The following SMARCA2 variants were observed in gnomAD, a reference collection of about 807,000 sequenced individuals.
The protein encoded by SMARCA2 is SWI/SNF related BAF chromatin remodeling complex subunit ATPase 2.
In SMARCA2, 61 loss-of-function variants were observed where a neutral mutation model predicts 199.8. The observed-to-expected ratio is 0.31, with a 90% CI of 0.25 to 0.38. The LOEUF is 0.38. SMARCA2 is among the 10% of genes least tolerant of loss of function. The pLI is 1.00. For synonymous variants in SMARCA2, 935 were observed against 732.0 expected, an observed-to-expected ratio of 1.28 and a Z score of -4.48; for missense variants, 1,344 against 2,012.2, an observed-to-expected ratio of 0.67 and a Z score of 6.35.
At chr9:2,030,272 C>G (rs939309475) in intron 2 of SMARCA2, among the ~76,000 whole-genome samples, 1 of 152,182 alleles carries the variant, frequency 6.6e-6, no homozygotes, top group Non-Finnish European at 1.5e-5. Flanking sequence ...TATCTGCAGT[C>G]ACCAATCTGG....
intron 31 of SMARCA2, 147 bp from the exon 32 acceptor site, chr9:2,185,949 C>G: frequency 2.7e-6 from 2 of 738,106 alleles, no homozygotes; most frequent in Non-Finnish European, 4.5e-6. Context: ...TGGCGTTTTG[C>G]TACTGGGTTT....
At chr9:2,024,693 G>A (rs1329455776) in intron 1 of SMARCA2, among the ~76,000 whole-genome samples, 1 of 152,012 alleles carries the variant, frequency 6.6e-6, no homozygotes, top group African/African-American at 2.4e-5. Flanking sequence ...CTCTGGCCTG[G>A]TGAAAACTCT....
intron 27 of SMARCA2, among the ~76,000 whole-genome samples, chr9:2,129,287 A>G (rs1823834126): frequency 6.6e-6 from 1 of 152,090 alleles, no homozygotes; most frequent in African/African-American, 2.4e-5. Context: ...GCGTGGTGGC[A>G]CGTGCCTGTA....
At position 2,169,571 on chromosome 9, in the gene SMARCA2, C is replaced by G. The variant is rs899103017; in HGVS notation, c.4200-848C>G. Among the ~76,000 whole-genome samples, 1 of 152,188 alleles carries G rather than the reference C, an allele frequency of 6.6e-6. No homozygotes were observed. Among genetic ancestry groups the G allele is most frequent in the Non-Finnish European group, 1.5e-5 (1 of 68,042 alleles). On this transcript the variant is annotated intron_variant, in intron 28 of 33. Coordinates refer to ENST00000349721, the MANE Select transcript of SMARCA2 (RefSeq NM_003070.5). This position sits in a 1 kb window ranked among gnomAD's most constrained non-coding sequence, Gnocchi z 6.5. ...CCCTCTCTGCAACACCCCGACCCCACACTGACTCTAGAGCAGAATGGGGCA... is the reference window on the plus strand; with the variant it reads ...CCCTCTCTGCAACACCCCGACCCCAGACTGACTCTAGAGCAGAATGGGGCA...
rs191537037 is a variant in SMARCA2 at position 2,140,670 on chromosome 9, A to G, written c.3981+16733A>G. Among the ~76,000 whole-genome samples, 737 of 152,278 alleles carry G rather than the reference A, an allele frequency of 4.8e-3. 9 individuals carry two copies. The highest frequency in any genetic ancestry group is 0.017 in the African/African-American group (702 of 41,564). ...AGAAACTAGAATCACCTATAATCTC[A>G]TTGACCTTCAGGTATCCAAGGTTGG... On this transcript the variant is annotated intron_variant, in intron 27 of 33. Coordinates refer to ENST00000349721, the MANE Select transcript of SMARCA2 (RefSeq NM_003070.5).
Position 2,169,060 on chromosome 9 carries a change from G to A in SMARCA2, c.4200-1359G>A, listed in dbSNP as rs528783980. ...TTGGTCAGCACCATCATTAGCCCAAGGTCCTAAAAGTGAAATAATGAAGAC... is the reference window on the plus strand; with the variant it reads ...TTGGTCAGCACCATCATTAGCCCAAAGTCCTAAAAGTGAAATAATGAAGAC... On this transcript the variant is annotated intron_variant, in intron 28 of 33. Transcript: ENST00000349721. This position sits in a 1 kb window ranked among gnomAD's most constrained non-coding sequence, Gnocchi z 6.5. Among the ~76,000 whole-genome samples, 3 of 152,230 alleles carry A rather than the reference G, an allele frequency of 2.0e-5. No homozygotes were observed. In the East Asian group the frequency reaches 5.8e-4, roughly 29 times the overall value.
At chr9:2,124,998 CA>C (rs1409744937) in intron 27 of SMARCA2, among the ~76,000 whole-genome samples, 1 of 152,114 alleles carries the variant, frequency 6.6e-6, no homozygotes, top group African/African-American at 2.4e-5. Context: ...AAGGGGAGTA[CA>C]GTTCCCAAGC....
chr9:2,172,326 C>T (rs73641007), intron 29 of SMARCA2, among the ~76,000 whole-genome samples: 10,228 of 151,564 alleles, frequency 0.067, 771 homozygotes, highest in African/African-American at 0.19. Context: ...GTATGAATGA[C>T]ACATATACAC....
rs3057851 is a variant in SMARCA2 at position 2,084,370 on chromosome 9, CTGTGTGTG to C, written c.2526+214_2526+221del. On this transcript the variant is annotated intron_variant, in intron 17 of 33. Transcript: ENST00000349721. ...GGTCGTGGATTTGATTTCATGCATG[CTGTGTGTG>C]TGTGTGTGTGTGTGTGTGTGTGTGT... Among the ~76,000 whole-genome samples the C allele has an allele frequency of 3.7e-3, 486 of 132,420 alleles. 3 individuals are homozygous for C. The highest frequency in any genetic ancestry group is 0.011 in the African/African-American group (394 of 34,422). The allele number at this position is 132,420 out of a possible 152,430, so 86.9% of individuals were successfully genotyped here. A position where few individuals can be genotyped will look rare whatever the true frequency, so the allele number is the denominator to read the frequency against.
intron 18 of SMARCA2, among the ~76,000 whole-genome samples, chr9:2,088,222 G>A (rs1821886766): frequency 6.6e-6 from 1 of 152,170 alleles, no homozygotes; most frequent in African/African-American, 2.4e-5. Flanking sequence ...CATACAATTT[G>A]AGGCTGTTGA....
At chr9:2,095,253 T>G (rs1822226203) in intron 19 of SMARCA2, among the ~76,000 whole-genome samples, 1 of 152,096 alleles carries the variant, frequency 6.6e-6, no homozygotes, top group Non-Finnish European at 1.5e-5. Flanking sequence ...GCCTGGCTAA[T>G]TTTTGTATTT....
intron 19 of SMARCA2, among the ~76,000 whole-genome samples, chr9:2,092,839 G>C (rs1206503470): frequency 6.6e-6 from 1 of 152,188 alleles, no homozygotes; most frequent in Non-Finnish European, 1.5e-5. Flanking sequence ...ATTTGCTATA[G>C]CACCAGTATA....
chr9:2,177,913 C>T (rs1826731474), intron 29 of SMARCA2, among the ~76,000 whole-genome samples: 1 of 151,706 alleles, frequency 6.6e-6, no homozygotes, highest in South Asian at 2.1e-4. Flanking sequence ...AAAATATAAT[C>T]AAAGCTAAAG....
intron 33 of SMARCA2, 94 bp downstream of exon 33, chr9:2,191,502 A>G: frequency 7.5e-7 from 1 of 1,337,952 alleles, no homozygotes. Flanking sequence ...TTTTCGCTTT[A>G]TTACCCAGGA....
chr9:2,056,388 A>G lies in SMARCA2; in HGVS notation c.1174-284A>G, dbSNP rs1820355599. On this transcript the variant is annotated intron_variant, in intron 6 of 33. Transcript: ENST00000349721. This position sits in a 1 kb window ranked among gnomAD's most constrained non-coding sequence, Gnocchi z 4.0. ...TAGAATAATTAGAGAAAATGAAGTTATTTAAAAGGCAAGACAACATCTTTT... is the reference window on the plus strand; with the variant it reads ...TAGAATAATTAGAGAAAATGAAGTTGTTTAAAAGGCAAGACAACATCTTTT... Among the ~76,000 whole-genome samples the G allele has an allele frequency of 6.6e-6, 1 of 152,246 alleles. No individual in the cohort carries two copies. Among genetic ancestry groups the G allele is most frequent in the South Asian group, 2.1e-4 (1 of 4,836 alleles).
chr9:2,155,569 C>G (rs1344090881), intron 27 of SMARCA2, among the ~76,000 whole-genome samples: 2 of 152,194 alleles, frequency 1.3e-5, no homozygotes, highest in Non-Finnish European at 2.9e-5. Context: ...GCGTGAGCCA[C>G]TGCGCGGGGG....
At chr9:2,047,033 C>T (rs1586644365) in intron 4 of SMARCA2, among the ~76,000 whole-genome samples, 196 bp from the exon 5 acceptor site, 1 of 149,692 alleles carries the variant, frequency 6.7e-6, no homozygotes, top group South Asian at 2.1e-4. Flanking sequence ...CCTTTTACCC[C>T]GTTCCCTGTC....
intron 27 of SMARCA2, among the ~76,000 whole-genome samples, chr9:2,124,683 C>G (rs1823610973): frequency 6.6e-6 from 1 of 152,146 alleles, no homozygotes; most frequent in South Asian, 2.1e-4. Flanking sequence ...TGTTGTTTTT[C>G]CTTTGGAAAA....
At chr9:2,141,871 C>G (rs2130688275) in intron 27 of SMARCA2, among the ~76,000 whole-genome samples, 1 of 152,284 alleles carries the variant, frequency 6.6e-6, no homozygotes, top group African/African-American at 2.4e-5. Flanking sequence ...GAATTCTGGC[C>G]TCTTCTTGAA....
Sources: allele counts gnomAD v4.1 joint callset (sites outside exome capture counted in the v4.1 genomes callset), GRCh38; gene constraint gnomAD v4.1.1; non-coding constraint Gnocchi (gnomAD v3.1); transcripts MANE v1.5; gene names NCBI Gene and HGNC (gene_info 2026-07-23, HGNC 2026-07-21).